STARD13: variants seen among roughly 807,000 people sequenced by gnomAD.
STARD13 encodes stAR-related lipid transfer protein 13.
In STARD13, 62 loss-of-function variants were observed where a neutral mutation model predicts 106.4. The ratio of observed to expected loss-of-function variants is 0.58; its 90% CI spans 0.48 to 0.72. The LOEUF is 0.72. STARD13 is among the 30% of genes least tolerant of loss of function. The probability of loss-of-function intolerance (pLI) is 0.00; values close to 1 mark genes in which losing one functional copy is unlikely to be tolerated. For missense variants in STARD13, 1,387 were observed against 1,424.0 expected, an observed-to-expected ratio of 0.97 and a Z score of 0.42; for synonymous variants, 565 against 553.0, an observed-to-expected ratio of 1.02 and a Z score of -0.31.
the STARD13 span, among the ~76,000 whole-genome samples, chr13:33,398,322 C>T: frequency 4.6e-5 from 7 of 152,032 alleles, no homozygotes; most frequent in South Asian, 2.1e-4. Context: ...ACAACATTCA[C>T]GAAATGAACA....
Position 33,285,682 on chromosome 13 carries a change from T to G in STARD13, c.-44A>C. The stretch of plus-strand genomic sequence containing the variant: ...GCCACCTCAGTCTGCCTGTGGCTGT[T>G]GCCGTCTGTCTCCAGTCTCAGTCAA... On this transcript the variant is annotated 5_prime_UTR_variant, in exon 1 of 14. Transcript: ENST00000336934. The G allele has an allele frequency of 1.2e-6, 2 of 1,604,528 alleles. No homozygotes were observed.
the STARD13 span, among the ~76,000 whole-genome samples, chr13:33,457,504 T>C: frequency 6.6e-6 from 1 of 152,226 alleles, no homozygotes; most frequent in Admixed American, 6.5e-5. Context: ...AAACAACAGA[T>C]AGACGATATT....
rs370813845 is a variant in STARD13, at chr13:33,185,858, C to A, written c.170-18236G>T. The A allele has an allele frequency of 5.0e-6, 8 of 1,613,466 alleles. No individual in the cohort carries two copies. In the African/African-American group the frequency reaches 9.3e-5, roughly 19 times the overall value. ...AGGTCTATCCTTTGTACCCACATGCCCTTCTGATCCAGCACTTACCCCGGC... is the reference window on the plus strand; with the variant it reads ...AGGTCTATCCTTTGTACCCACATGCACTTCTGATCCAGCACTTACCCCGGC... On this transcript the variant is annotated intron_variant, in intron 1 of 13. Coordinates refer to ENST00000336934, the MANE Select transcript of STARD13 (RefSeq NM_178006.4).
the STARD13 span, among the ~76,000 whole-genome samples, chr13:33,608,810 G>C: frequency 6.6e-6 from 1 of 152,152 alleles, no homozygotes; most frequent in Non-Finnish European, 1.5e-5. Flanking sequence ...ATACAGGCTG[G>C]GCCCGATGGC....
chr13:33,315,957 G>T (rs1035417882), intron 1 of STARD13, among the ~76,000 whole-genome samples: 37 of 152,062 alleles, frequency 2.4e-4, no homozygotes, highest in Non-Finnish European at 1.5e-4. Context: ...GCGCACAGGG[G>T]TTACTGTGTT....
the STARD13 span, among the ~76,000 whole-genome samples, chr13:33,496,833 A>G: frequency 6.6e-6 from 1 of 152,114 alleles, no homozygotes; most frequent in Non-Finnish European, 1.5e-5. Context: ...AAATTTTCAA[A>G]TTCTATTAGA....
the STARD13 span, among the ~76,000 whole-genome samples, chr13:33,419,988 G>A: frequency 6.6e-6 from 1 of 152,310 alleles, no homozygotes; most frequent in African/African-American, 2.4e-5. Context: ...AGCAGTACCA[G>A]CCACTGCAAA....
At chr13:33,412,694 G>A in the STARD13 span, among the ~76,000 whole-genome samples, 5 of 152,106 alleles carry the variant, frequency 3.3e-5, no homozygotes, top group Non-Finnish European at 5.9e-5. Flanking sequence ...GTTGGATACA[G>A]TGACAAAAAA....
chr13:33,631,270 G>A, the STARD13 span, among the ~76,000 whole-genome samples: 3 of 152,190 alleles, frequency 2.0e-5, no homozygotes, highest in African/African-American at 7.2e-5. Flanking sequence ...CCTTCCTTCT[G>A]AAGAAATGGC....
intron 1 of STARD13, among the ~76,000 whole-genome samples, chr13:33,298,228 C>T (rs756304473): frequency 1.4e-5 from 2 of 141,252 alleles, no homozygotes; most frequent in South Asian, 2.5e-4. Context: ...CTCCCAGGTT[C>T]AAGCAATTCT....
At chr13:33,440,574 G>A in the STARD13 span, among the ~76,000 whole-genome samples, 4 of 151,094 alleles carry the variant, frequency 2.6e-5, no homozygotes, top group African/African-American at 7.3e-5. Flanking sequence ...TTTTGCTTGT[G>A]CCCTTCTTAT....
At chr13:33,359,744 A>G in the STARD13 span, among the ~76,000 whole-genome samples, 1 of 152,160 alleles carries the variant, frequency 6.6e-6, no homozygotes, top group African/African-American at 2.4e-5. Context: ...TATAATGGCC[A>G]AAGTTGTCCC....
the STARD13 span, among the ~76,000 whole-genome samples, chr13:33,583,689 C>T: frequency 1.6e-4 from 24 of 152,294 alleles, no homozygotes; most frequent in Admixed American, 9.8e-4. Context: ...CATGAATTCT[C>T]CTGTTCAGGA....
intron 10 of STARD13, 35 bp from the exon 11 acceptor site, chr13:33,110,942 G>A: frequency 2.5e-6 from 4 of 1,576,052 alleles, no homozygotes; most frequent in Non-Finnish European, 3.5e-6. Context: ...GCAACACACT[G>A]AGCCAAAGAA....
chr13:33,325,723 G>A (rs183745580), intron 1 of STARD13, among the ~76,000 whole-genome samples: 3 of 152,222 alleles, frequency 2.0e-5, no homozygotes, highest in East Asian at 3.9e-4. Flanking sequence ...GGCCGGGCGC[G>A]GTGGCTCACG....
At chr13:33,235,908 T>G (rs1889165112) in intron 1 of STARD13, among the ~76,000 whole-genome samples, 1 of 152,244 alleles carries the variant, frequency 6.6e-6, no homozygotes, top group Non-Finnish European at 1.5e-5. Context: ...CAGGTGGATG[T>G]TCCGTTGGTA....
chr13:33,167,109 C>T (rs1407450112), intron 2 of STARD13, among the ~76,000 whole-genome samples: 1 of 151,868 alleles, frequency 6.6e-6, no homozygotes, highest in East Asian at 1.9e-4. Context: ...TATATCTTGA[C>T]ATTTTTCATA....
intron 1 of STARD13, among the ~76,000 whole-genome samples, chr13:33,207,420 A>G (rs546428687): frequency 6.6e-6 from 1 of 152,366 alleles, no homozygotes; most frequent in African/African-American, 2.4e-5. Context: ...TTTGAACTAG[A>G]TAAGAGGTAC....
chr13:33,299,962 A>G (rs118179240), intron 1 of STARD13, among the ~76,000 whole-genome samples: 3,266 of 152,328 alleles, frequency 0.021, 57 homozygotes, highest in Non-Finnish European at 0.035. Flanking sequence ...TTTCTAGAAC[A>G]TGAGGCTTTT....
Sources: gnomAD v4.1 joint callset for allele counts (sites outside exome capture counted in the v4.1 genomes callset) on GRCh38, gnomAD v4.1.1 for gene constraint, MANE v1.5 for transcripts, NCBI Gene and HGNC (gene_info 2026-07-23, HGNC 2026-07-21) for gene names.